The following PCDHGA4 variants were observed in gnomAD, a reference collection of about 807,000 sequenced individuals.
PCDHGA4 encodes protocadherin gamma-A4.
In PCDHGA4, 38 loss-of-function variants were observed where a neutral mutation model predicts 54.6. That is an observed-to-expected ratio of 0.70 (90% CI 0.54 to 0.91). The LOEUF is 0.91. PCDHGA4 is among the 40% of genes least tolerant of loss of function. The probability of loss-of-function intolerance (pLI) is 0.00; values close to 1 mark genes in which losing one functional copy is unlikely to be tolerated. For synonymous variants in PCDHGA4, 511 were observed against 512.9 expected (o/e 1.00, Z 0.05); for missense variants, 1,298 against 1,220.9 (o/e 1.06, Z -0.94).
rs747671382 is a variant in PCDHGA4 at position 141,444,152 on chromosome 5, A to ATTTTTTT, written c.2515-50625_2515-50619dup. On this transcript the variant is annotated intron_variant, in intron 1 of 3. Coordinates refer to ENST00000571252, the MANE Select transcript of PCDHGA4 (RefSeq NM_018917.4). ...GATATGTGTCACTTGTGTGTACTGG[A>ATTTTTTT]TTTTTTTTTTTTTTTTTTTTTTTTT... Among the ~76,000 whole-genome samples, 8 of 33,896 alleles carry ATTTTTTT rather than the reference A, an allele frequency of 2.4e-4. 2 individuals are homozygous for ATTTTTTT. The highest frequency in any genetic ancestry group is 2.1e-3 in the South Asian group (2 of 962). 22.2% of individuals were successfully genotyped at this position (33,896 alleles called of 152,430 possible).
In PCDHGA4 at chr5:141,432,011, TACA is replaced by T. The variant is rs1296391274; in HGVS notation, c.2515-62792_2515-62790del. 2 of 1,614,202 alleles carry T rather than the reference TACA, an allele frequency of 1.2e-6. No homozygotes were observed. Among genetic ancestry groups the T allele is most frequent in the South Asian group, 2.2e-5 (2 of 91,084 alleles). On this transcript the variant is annotated intron_variant, in intron 1 of 3. Transcript: ENST00000571252. This position sits in a 1 kb window ranked among gnomAD's most constrained non-coding sequence, Gnocchi z 6.0. The stretch of plus-strand genomic sequence containing the variant: ...CTTGGATAGGGAACAGGTTCCTAGC[TACA>T]ACATCACAGTGACCGCCACTGACCG...
rs1355278714 is a variant in PCDHGA4 at position 141,398,651 on chromosome 5, A to G, written c.2514+41030A>G. 10 of 1,613,998 alleles carry G rather than the reference A, an allele frequency of 6.2e-6. No homozygotes were observed. The South Asian group carries it at 1.1e-4, about 18-fold the overall frequency. On this transcript the variant is annotated intron_variant, in intron 1 of 3. Coordinates refer to ENST00000571252, the MANE Select transcript of PCDHGA4 (RefSeq NM_018917.4). ...CTGCAGAAGTATAAACTCTCTCTTA[A>G]CCCAAGTTTCTCATTAATAATTAAG... is the stretch of plus-strand genomic sequence containing the variant.
intron 1 of PCDHGA4, chr5:141,421,833 C>A: frequency 6.2e-7 from 1 of 1,613,756 alleles, no homozygotes; most frequent in South Asian, 1.1e-5. Context: ...GAAGCCTGGA[C>A]CGAGAGAAAG....
chr5:141,430,578 C>A (rs1561846151), intron 1 of PCDHGA4: 8 of 470,816 alleles, frequency 1.7e-5, no homozygotes, highest in East Asian at 1.0e-4. Flanking sequence ...AGCGGAGATC[C>A]TGCTCGCCTT....
chr5:141,431,991 A>T lies in PCDHGA4; in HGVS notation c.2515-62816A>T, dbSNP rs1046547219. On this transcript the variant is annotated intron_variant, in intron 1 of 3. Transcript: ENST00000571252. The surrounding 1 kb of genome is among the most constrained non-coding windows in gnomAD (Gnocchi z 4.8). ...AGTTTAGTCACAGACATAGTCTTGG[A>T]TAGGGAACAGGTTCCTAGCTACAAC... is the stretch of plus-strand genomic sequence containing the variant. 5 of 1,614,100 alleles carry T rather than the reference A, an allele frequency of 3.1e-6. No individual in the cohort carries two copies. Among genetic ancestry groups the T allele is most frequent in the Non-Finnish European group, 3.4e-6 (4 of 1,180,050 alleles).
intron 1 of PCDHGA4, chr5:141,399,619 G>T (rs749025661): frequency 1.2e-6 from 2 of 1,613,784 alleles, no homozygotes; most frequent in Non-Finnish European, 1.7e-6. Flanking sequence ...TCTGGCACTG[G>T]CCTCTTACGT....
At position 141,491,660 on chromosome 5, in the gene PCDHGA4, C is replaced by A; in HGVS notation, c.2515-3147C>A. ...ACAGCTCTGGCGCTGGAGCCTGACGCCATCCGGTCCCGCTCTAATACGCTG... is the reference window on the plus strand; with the variant it reads ...ACAGCTCTGGCGCTGGAGCCTGACGACATCCGGTCCCGCTCTAATACGCTG... On this transcript the variant is annotated intron_variant, in intron 1 of 3. Transcript: ENST00000571252. The surrounding 1 kb of genome is among the most constrained non-coding windows in gnomAD (Gnocchi z 6.9). The A allele has an allele frequency of 6.2e-7, 1 of 1,613,810 alleles. No individual in the cohort carries two copies. The highest frequency in any genetic ancestry group is 8.5e-7 in the Non-Finnish European group (1 of 1,180,008).
chr5:141,427,766 G>A lies in PCDHGA4; in HGVS notation c.2515-67041G>A, dbSNP rs549550151. The A allele has an allele frequency of 1.1e-4, 152 of 1,386,456 alleles. No homozygotes were observed. In the African/African-American group the frequency reaches 1.8e-3, roughly 17 times the overall value. The allele number at this position is 1,386,456 out of a possible 1,614,324, so 85.9% of individuals were successfully genotyped here. ...CCTACTCCATCGTTACCACTGACTT[G>A]GAGCTGCGGGCACTGTCGTCCTACG... On this transcript the variant is annotated intron_variant, in intron 1 of 3. Transcript: ENST00000571252.
At chr5:141,409,708 G>C (rs2095304272) in intron 1 of PCDHGA4, 5 of 1,613,088 alleles carry the variant, frequency 3.1e-6, no homozygotes, top group Non-Finnish European at 1.7e-6. Context: ...TGGCGGTGTC[G>C]TCATACGTGT....
At chr5:141,374,527 A>T (rs1429830664) in intron 1 of PCDHGA4, 7 of 1,613,074 alleles carry the variant, frequency 4.3e-6, no homozygotes, top group Non-Finnish European at 5.9e-6. Flanking sequence ...ACGCAGCTCC[A>T]TCCTCTCGTT....
chr5:141,475,981 G>A, intron 1 of PCDHGA4: 1 of 1,042,940 alleles, frequency 9.6e-7, no homozygotes, highest in Non-Finnish European at 1.4e-6. Context: ...CTGAACAGCC[G>A]GCGAGCAAAT....
chr5:141,403,362 G>A lies in PCDHGA4; in HGVS notation c.2514+45741G>A, dbSNP rs200979571. 157 of 1,613,944 alleles carry A rather than the reference G, an allele frequency of 9.7e-5. No homozygotes were observed. Among genetic ancestry groups the A allele is most frequent in the Admixed American group, 4.3e-4 (26 of 60,012 alleles). On this transcript the variant is annotated intron_variant, in intron 1 of 3. Transcript: ENST00000571252. ...AGCGCCCCAAAGTTCCAGGCCGAAA[G>A]TCTGGAAGTAAAAATTAACGAAATC... is the stretch of plus-strand genomic sequence containing the variant.
intron 1 of PCDHGA4, chr5:141,415,523 T>G (rs1245542927): frequency 1.9e-6 from 3 of 1,614,196 alleles, no homozygotes; most frequent in Non-Finnish European, 2.5e-6. Context: ...GCGGACACGC[T>G]CATCAGCCAG....
chr5:141,417,682 AAAAG>A (rs2096147308), intron 1 of PCDHGA4: 2 of 1,035,494 alleles, frequency 1.9e-6, no homozygotes, highest in Non-Finnish European at 2.7e-6. Context: ...CCAACAACAG[AAAAG>A]AAAACCAGCT....
At chr5:141,366,229 G>A in intron 1 of PCDHGA4, 2 of 1,613,808 alleles carry the variant, frequency 1.2e-6, no homozygotes, top group Non-Finnish European at 1.7e-6. Context: ...GAGCCCTGCT[G>A]GACAGAGACG....
intron 1 of PCDHGA4, among the ~76,000 whole-genome samples, chr5:141,438,587 C>CAT (rs1372372472): frequency 1.4e-4 from 10 of 73,396 alleles, no homozygotes; most frequent in East Asian, 3.8e-4. Context: ...TACATACATA[C>CAT]ATACATATAT....
chr5:141,400,743 C>G (rs1404866842), intron 1 of PCDHGA4: 1 of 611,332 alleles, frequency 1.6e-6, no homozygotes, highest in Non-Finnish European at 2.8e-6. Flanking sequence ...AGAGTTTGCT[C>G]TTAGCTTCCT....
intron 1 of PCDHGA4, among the ~76,000 whole-genome samples, chr5:141,483,207 A>C (rs1225621725): frequency 6.6e-6 from 1 of 152,224 alleles, no homozygotes; most frequent in African/African-American, 2.4e-5. Flanking sequence ...TATTCCATAT[A>C]GATGACAGTC....
chr5:141,400,880 T>C (rs919340566), intron 1 of PCDHGA4, among the ~76,000 whole-genome samples: 1 of 152,276 alleles, frequency 6.6e-6, no homozygotes, highest in Non-Finnish European at 1.5e-5. Flanking sequence ...TTAAATTTAA[T>C]GTATGTAATC....
Sources: gnomAD v4.1 joint callset for allele counts (sites outside exome capture counted in the v4.1 genomes callset) on GRCh38, gnomAD v4.1.1 for gene constraint, Gnocchi (gnomAD v3.1) non-coding constraint, MANE v1.5 for transcripts, NCBI Gene and HGNC (gene_info 2026-07-23, HGNC 2026-07-21) for gene names.